VPS13B: variants seen among roughly 807,000 people sequenced by gnomAD.
The protein encoded by VPS13B is vacuolar protein sorting 13 homolog B.
In VPS13B, 285 loss-of-function variants were observed where a neutral mutation model predicts 426.4. The observed-to-expected ratio is 0.67, with a 90% CI of 0.61 to 0.74. The LOEUF (loss-of-function observed/expected upper bound fraction) is 0.74. VPS13B is among the 30% of genes least tolerant of loss of function. The probability of loss-of-function intolerance (pLI) is 0.00; values close to 1 mark genes in which losing one functional copy is unlikely to be tolerated. For missense variants in VPS13B, 4,537 were observed against 4,782.6 expected, an observed-to-expected ratio of 0.95 and a Z score of 1.51; for synonymous variants, 1,676 against 1,676.4, an observed-to-expected ratio of 1.00 and a Z score of 0.01.
chr8:99,701,424 C>A (rs911168512), intron 36 of VPS13B, among the ~76,000 whole-genome samples: 3 of 152,002 alleles, frequency 2.0e-5, no homozygotes, highest in Admixed American at 2.0e-4. Flanking sequence ...ATCCTCATTG[C>A]TTTTTTTATT....
At chr8:99,158,574 A>G (rs2132629623) in intron 15 of VPS13B, among the ~76,000 whole-genome samples, 1 of 152,310 alleles carries the variant, frequency 6.6e-6, no homozygotes, top group East Asian at 1.9e-4. Context: ...CTTAAGTTGA[A>G]GATAATGCTC....
intron 35 of VPS13B, among the ~76,000 whole-genome samples, chr8:99,695,665 A>T (rs1212908750): frequency 2.1e-5 from 3 of 146,162 alleles, no homozygotes; most frequent in African/African-American, 7.6e-5. Context: ...AACCTGCACA[A>T]TGTGCACATG....
intron 21 of VPS13B, among the ~76,000 whole-genome samples, chr8:99,429,957 C>G (rs566136211): frequency 6.6e-6 from 1 of 152,182 alleles, no homozygotes; most frequent in South Asian, 2.1e-4. Flanking sequence ...TTTTCTCACC[C>G]TTGCTCACTC....
chr8:99,200,741 C>G (rs1814266618), intron 17 of VPS13B, among the ~76,000 whole-genome samples: 1 of 151,936 alleles, frequency 6.6e-6, no homozygotes, highest in South Asian at 2.1e-4. Flanking sequence ...TAAGATCTGC[C>G]TCTTTTTCTT....
intron 35 of VPS13B, among the ~76,000 whole-genome samples, chr8:99,676,171 A>G (rs1830925521): frequency 6.6e-6 from 1 of 152,064 alleles, no homozygotes; most frequent in Admixed American, 6.6e-5. Context: ...CATGATTGCC[A>G]CAGCCATCAA....
At chr8:99,521,956 G>T (rs1442472844) in intron 30 of VPS13B, among the ~76,000 whole-genome samples, 1 of 151,538 alleles carries the variant, frequency 6.6e-6, no homozygotes, top group Non-Finnish European at 1.5e-5. Flanking sequence ...TTTTTTTTAG[G>T]TATTTAATAG....
At chr8:99,130,638 C>T (rs913199719) in intron 8 of VPS13B, among the ~76,000 whole-genome samples, 5 of 152,082 alleles carry the variant, frequency 3.3e-5, no homozygotes, top group African/African-American at 9.7e-5. Context: ...GATCCGCCCA[C>T]CTCGGCCTCC....
At chr8:99,249,348 T>G in intron 17 of VPS13B, among the ~76,000 whole-genome samples, 1 of 152,170 alleles carries the variant, frequency 6.6e-6, no homozygotes, top group East Asian at 1.9e-4. Context: ...ATATACAAGT[T>G]TTTGTGTGAA....
intron 8 of VPS13B, among the ~76,000 whole-genome samples, chr8:99,131,470 A>T (rs976977566): frequency 2.6e-5 from 4 of 152,162 alleles, no homozygotes; most frequent in African/African-American, 9.7e-5. Context: ...GTACAGGTGT[A>T]CCTCAGAGAT....
At chr8:99,827,377 C>T (rs780549789) in intron 51 of VPS13B, among the ~76,000 whole-genome samples, 1 of 152,060 alleles carries the variant, frequency 6.6e-6, no homozygotes, top group East Asian at 1.9e-4. Flanking sequence ...ATAGTATTCT[C>T]TGATGGTAGT....
intron 40 of VPS13B, among the ~76,000 whole-genome samples, chr8:99,768,151 A>G (rs914737732): frequency 6.6e-6 from 1 of 152,142 alleles, no homozygotes; most frequent in Non-Finnish European, 1.5e-5. Context: ...ATATACTATC[A>G]TGTGTACTGT....
At chr8:99,335,711 A>C (rs1186568499) in intron 19 of VPS13B, among the ~76,000 whole-genome samples, 1 of 152,162 alleles carries the variant, frequency 6.6e-6, no homozygotes, top group Non-Finnish European at 1.5e-5. Context: ...GCATTCTTAT[A>C]CACCAATAAC....
chr8:99,201,044 T>C (rs1814288036), intron 17 of VPS13B, among the ~76,000 whole-genome samples: 3 of 152,116 alleles, frequency 2.0e-5, no homozygotes, highest in Admixed American at 2.0e-4. Context: ...TCTTATTCTT[T>C]AGCTTCATTC....
chr8:99,146,772 T>A (rs1455418757), intron 13 of VPS13B, among the ~76,000 whole-genome samples: 1 of 152,124 alleles, frequency 6.6e-6, no homozygotes, highest in Non-Finnish European at 1.5e-5. Context: ...GAAGTCTTAC[T>A]ATGTTGCCCA....
intron 45 of VPS13B, among the ~76,000 whole-genome samples, 167 bp downstream of exon 45, chr8:99,817,970 A>G (rs529343908): frequency 1.3e-5 from 2 of 152,296 alleles, no homozygotes; most frequent in South Asian, 4.1e-4. Flanking sequence ...ATCCCACGAC[A>G]ATACATTTGT....
At chr8:99,349,563 A>G (rs890784499) in intron 19 of VPS13B, among the ~76,000 whole-genome samples, 1 of 152,176 alleles carries the variant, frequency 6.6e-6, no homozygotes, top group Non-Finnish European at 1.5e-5. Context: ...TAGATAAACA[A>G]CAAATAATGT....
At chr8:99,015,309 C>T (rs1194728786) in intron 2 of VPS13B, among the ~76,000 whole-genome samples, 7 of 151,134 alleles carry the variant, frequency 4.6e-5, no homozygotes, top group South Asian at 2.1e-4. Context: ...CTCCATCTCC[C>T]GGGTTCATGC....
intron 8 of VPS13B, among the ~76,000 whole-genome samples, chr8:99,130,894 T>G (rs1369985717): frequency 6.6e-6 from 1 of 152,146 alleles, no homozygotes; most frequent in Admixed American, 6.5e-5. Flanking sequence ...AAAAGCTTTA[T>G]TATAAAGAAT....
rs770806728 is a variant in VPS13B, at chr8:99,853,979, T to TG, written c.10592dup (p.His3532SerfsTer9). 1 of 1,614,260 alleles carries TG rather than the reference T, an allele frequency of 6.2e-7. No homozygotes were observed. ...CCTACCTTCCTAACAGCAGGTTGGC[T>TG]GGTCACTCCACACACCTCTCCGGGG... On this transcript the variant is annotated frameshift_variant, in exon 56 of 62. Coordinates refer to ENST00000357162, the MANE Select transcript of VPS13B (RefSeq NM_152564.5). LOFTEE classifies it high-confidence loss of function.
Sources: allele counts gnomAD v4.1 joint callset (sites outside exome capture counted in the v4.1 genomes callset), GRCh38; gene constraint gnomAD v4.1.1; transcripts MANE v1.5; gene names NCBI Gene and HGNC (gene_info 2026-07-23, HGNC 2026-07-21).